GRIK1: variants seen among roughly 807,000 people sequenced by gnomAD.
GRIK1 encodes glutamate receptor ionotropic, kainate 1.
In GRIK1, 69 loss-of-function variants were observed where a neutral mutation model predicts 105.7. The observed-to-expected ratio is 0.65, with a 90% CI of 0.54 to 0.80. The LOEUF (loss-of-function observed/expected upper bound fraction) is 0.80, where lower values mean the gene tolerates loss of function less well. Among genes scored for constraint, GRIK1 ranks in the 30% least tolerant of loss-of-function variants. The pLI is 0.00. For missense variants in GRIK1, 1,109 were observed against 1,167.3 expected (o/e 0.95, Z 0.73); for synonymous variants, 438 against 431.3 (o/e 1.02, Z -0.19).
intron 1 of GRIK1, among the ~76,000 whole-genome samples, chr21:29,891,742 A>G (rs1025577254): frequency 6.6e-6 from 1 of 152,224 alleles, no homozygotes; most frequent in Admixed American, 6.5e-5. Flanking sequence ...TTCTTTTGAA[A>G]TGGAAAATAT....
chr21:29,624,389 T>C (rs2062074978), intron 7 of GRIK1, among the ~76,000 whole-genome samples: 1 of 152,282 alleles, frequency 6.6e-6, no homozygotes, highest in Non-Finnish European at 1.5e-5. Context: ...GTATAAGATA[T>C]TTAGAAGGGA....
chr21:29,791,259 C>T (rs2066405995), intron 1 of GRIK1, among the ~76,000 whole-genome samples: 1 of 151,986 alleles, frequency 6.6e-6, no homozygotes, highest in Non-Finnish European at 1.5e-5. Context: ...CTGTGATATA[C>T]TGATGCTGGA....
intron 1 of GRIK1, among the ~76,000 whole-genome samples, chr21:29,806,527 T>C (rs1228560576): frequency 1.3e-5 from 2 of 152,172 alleles, no homozygotes; most frequent in East Asian, 1.9e-4. Context: ...TCTTGCCTTA[T>C]CAACTCTAAA....
intron 1 of GRIK1, among the ~76,000 whole-genome samples, chr21:29,803,510 TG>T (rs1569110853): frequency 6.6e-6 from 1 of 152,152 alleles, no homozygotes; most frequent in African/African-American, 2.4e-5. Flanking sequence ...GAGAATTTTC[TG>T]GGCTGGGGCT....
intron 1 of GRIK1, among the ~76,000 whole-genome samples, chr21:29,903,284 G>T (rs2146267588): frequency 6.6e-6 from 1 of 152,250 alleles, no homozygotes; most frequent in East Asian, 1.9e-4. Flanking sequence ...TGACAAATGG[G>T]ATCTAATTAA....
chr21:29,755,358 T>A (rs2065310361), intron 1 of GRIK1, among the ~76,000 whole-genome samples: 1 of 152,206 alleles, frequency 6.6e-6, no homozygotes, highest in Non-Finnish European at 1.5e-5. Flanking sequence ...GATGAGAACA[T>A]CAGCATCAAC....
At chr21:29,689,586 A>T (rs1307047010) in intron 3 of GRIK1, 142 bp downstream of exon 3, 3 of 720,976 alleles carry the variant, frequency 4.2e-6, no homozygotes, top group Non-Finnish European at 7.3e-6. Flanking sequence ...ATGCATTATT[A>T]AATTACTTCA....
At chr21:29,717,828 G>A (rs910083806) in intron 1 of GRIK1, among the ~76,000 whole-genome samples, 2 of 152,290 alleles carry the variant, frequency 1.3e-5, no homozygotes, top group Non-Finnish European at 2.9e-5. Context: ...AGATTTGGGA[G>A]GGGCAAAGGG....
chr21:29,572,432 C>G lies in GRIK1; in HGVS notation c.2130+4532G>C, dbSNP rs538651004. On this transcript the variant is annotated intron_variant, in intron 14 of 17. Coordinates refer to ENST00000327783, the MANE Select transcript of GRIK1 (RefSeq NM_001330994.2). ...CCTCTCTCCCTCCCTCTTTCCCTCTCGGCTTCCTTCCTTTGCTCCTTCATT... is the reference window on the plus strand; with the variant it reads ...CCTCTCTCCCTCCCTCTTTCCCTCTGGGCTTCCTTCCTTTGCTCCTTCATT... 1.5e-4 allele frequency among the ~76,000 whole-genome samples: 23 copies of G among 152,176 alleles called. No homozygotes were observed. The South Asian group carries it at 4.6e-3, about 30-fold the overall frequency.
chr21:29,568,329 G>T (rs185721760), intron 14 of GRIK1, among the ~76,000 whole-genome samples: 4 of 152,306 alleles, frequency 2.6e-5, no homozygotes, highest in Non-Finnish European at 5.9e-5. Context: ...TTCCTGAAAT[G>T]GTTATAACTG....
rs1400028073 is a variant in GRIK1 at position 29,537,813 on chromosome 21, G to T, written c.2679C>A (p.Ser893Arg). Residue 893 changes from serine to arginine, a missense_variant, in exon 17 of 18, where the codon AGC becomes AGA. By Grantham distance (110) the Ser-to-Arg change is moderately radical. Transcript: ENST00000327783. ...ATGAACAAACCTTCTCTACACCAAG[G>T]CTTTGTTTTTTTCTCCCATGAAACC... ...KVRFHGRKKQSLGVEKCLSFN... is the reference protein window; with the variant it reads ...KVRFHGRKKQRLGVEKCLSFN... The T allele has an allele frequency of 3.3e-6, 5 of 1,514,320 alleles. No homozygotes were observed. The highest frequency in any genetic ancestry group is 4.6e-6 in the Non-Finnish European group (5 of 1,090,830). The allele number at this position is 1,514,320 out of a possible 1,614,324, so 93.8% of individuals were successfully genotyped here. A position where few individuals can be genotyped will look rare whatever the true frequency, so the allele number is the denominator to read the frequency against.
chr21:29,642,899 G>T lies in GRIK1; in HGVS notation c.1025C>A (p.Thr342Asn), dbSNP rs775421205. Residue 342 changes from threonine to asparagine, a missense_variant, in exon 7 of 18, where the codon ACC (threonine) becomes AAC (asparagine). Physicochemically the swap from Thr to Asn is moderately conservative, Grantham distance 65. Transcript: ENST00000327783. ...TCTATGGCACTGCAGGGAGCTGACG[G>T]TCAGCTGGGATGCCCGGTGCGAGGC... ...AIASHRASQL[T>N]VSSLQCHRHK... The T allele has an allele frequency of 6.2e-7, 1 of 1,613,894 alleles. No homozygotes were observed. Among genetic ancestry groups the T allele is most frequent in the Non-Finnish European group, 8.5e-7 (1 of 1,179,754 alleles).
At chr21:29,907,527 T>C (rs1360927131) in intron 1 of GRIK1, among the ~76,000 whole-genome samples, 1 of 152,120 alleles carries the variant, frequency 6.6e-6, no homozygotes, top group Non-Finnish European at 1.5e-5. Flanking sequence ...ATAAATAAGT[T>C]ATATTGTAAA....
intron 1 of GRIK1, among the ~76,000 whole-genome samples, chr21:29,721,309 A>G (rs376046400): frequency 5.3e-5 from 8 of 152,206 alleles, no homozygotes; most frequent in Non-Finnish European, 1.2e-4. Context: ...CTTTACAGAC[A>G]TTTATTAGAT....
intron 1 of GRIK1, among the ~76,000 whole-genome samples, chr21:29,858,406 T>C (rs1224421628): frequency 1.3e-5 from 2 of 152,078 alleles, no homozygotes; most frequent in Non-Finnish European, 2.9e-5. Context: ...GCTCCCAGTG[T>C]CTCCCTGGAA....
At chr21:29,730,239 T>C (rs1297742304) in intron 1 of GRIK1, among the ~76,000 whole-genome samples, 1 of 152,224 alleles carries the variant, frequency 6.6e-6, no homozygotes, top group African/African-American at 2.4e-5. Flanking sequence ...GAACTACTTA[T>C]AATAATTATT....
chr21:29,544,342 C>T (rs1344374324), intron 16 of GRIK1, among the ~76,000 whole-genome samples: 3 of 152,102 alleles, frequency 2.0e-5, no homozygotes, highest in African/African-American at 4.8e-5. Context: ...GGGGTGGCCA[C>T]GCAGGGCTAC....
At chr21:29,672,089 C>T (rs1256866188) in intron 4 of GRIK1, among the ~76,000 whole-genome samples, 3 of 139,244 alleles carry the variant, frequency 2.2e-5, no homozygotes, top group African/African-American at 5.4e-5. Flanking sequence ...TGAAGTTTTG[C>T]TCTTATGGCC....
intron 3 of GRIK1, among the ~76,000 whole-genome samples, chr21:29,682,035 T>C (rs1601440490): frequency 6.6e-6 from 1 of 152,084 alleles, no homozygotes; most frequent in African/African-American, 2.4e-5. Flanking sequence ...TATGACAGGG[T>C]TTTCCAAGCC....
Sources: gnomAD v4.1 joint callset for allele counts (sites outside exome capture counted in the v4.1 genomes callset) on GRCh38, gnomAD v4.1.1 for gene constraint, MANE v1.5 for transcripts, NCBI Gene and HGNC (gene_info 2026-07-23, HGNC 2026-07-21) for gene names.